PSD2: variants seen among roughly 807,000 people sequenced by gnomAD.
PSD2 encodes pleckstrin and Sec7 domain containing 2.
A neutral mutation model predicts 69.8 loss-of-function variants in PSD2; 38 were observed. The observed-to-expected ratio is 0.54, with a 90% CI of 0.42 to 0.71. The LOEUF (loss-of-function observed/expected upper bound fraction) is 0.71, where lower values mean the gene tolerates loss of function less well. Ranked by LOEUF, PSD2 falls within the 30% of genes least tolerant of loss-of-function variation. The probability of loss-of-function intolerance (pLI) is 0.00; values close to 1 mark genes in which losing one functional copy is unlikely to be tolerated. For missense variants in PSD2, 943 were observed against 1,014.5 expected (o/e 0.93, Z 0.96); for synonymous variants, 412 against 423.0 (o/e 0.97, Z 0.32).
At position 139,838,759 on chromosome 5, in the gene PSD2, C is replaced by T. The variant is rs373973556; in HGVS notation, c.1955C>T (p.Thr652Ile). ...CGGCCCCTGCTGCCCTCCTGCACCA[C>T]CCGCCTCTGCCAGGTACATGTTCCT... ...FCRPLLPSCT[T>I]RLCQEEQLRS... The change falls in exon 13 of 15, where the codon ACC becomes ATC. Residue 652 changes from threonine (T) to isoleucine (I), a missense_variant. By Grantham distance (89) the Thr-to-Ile change is moderately conservative. Transcript: ENST00000274710. The T allele has an allele frequency of 6.2e-7, 1 of 1,612,580 alleles. No individual in the cohort carries two copies.
At position 139,837,203 on chromosome 5, in the gene PSD2, G is replaced by A. The variant is rs754679031; in HGVS notation, c.1630G>A (p.Ala544Thr). 1.7e-5 allele frequency: 27 copies of A among 1,613,916 alleles called. No homozygotes were observed. Among genetic ancestry groups the A allele is most frequent in the Admixed American group, 3.3e-5 (2 of 60,006 alleles). Reference protein sequence around the residue: ...RGRRGWKKFYAVLKGTILYLQ... With the variant: ...RGRRGWKKFYTVLKGTILYLQ... ...GAGGCGTGGCTGGAAGAAATTCTAC[G>A]CAGTGCTCAAAGGGACCATCCTGTA... Residue 544 changes from alanine to threonine, a missense_variant, in exon 11 of 15, where the codon GCA (alanine) becomes ACA (threonine). Ala to Thr is a moderately conservative substitution (Grantham distance 58). Around this residue, in one of 3 missense-constraint regions of PSD2, gnomAD observed 312 missense variants for 400.7 expected, o/e 0.78. Coordinates refer to ENST00000274710, the MANE Select transcript of PSD2 (RefSeq NM_032289.4). The surrounding 1 kb of genome is among the most constrained non-coding windows in gnomAD (Gnocchi z 5.0).
At chr5:139,747,659 G>C in the PSD2 span, among the ~76,000 whole-genome samples, 5 of 152,346 alleles carry the variant, frequency 3.3e-5, no homozygotes, top group South Asian at 4.1e-4. The surrounding 1 kb of genome is among the most constrained non-coding windows in gnomAD (Gnocchi z 6.7). Flanking sequence ...CGTGGGGGCC[G>C]GCGTGAGAAT....
At position 139,842,878 on chromosome 5, in the gene PSD2, C is replaced by T. The variant is rs1469282535; in HGVS notation, c.*404C>T. The stretch of plus-strand genomic sequence containing the variant: ...TGACTCTAGGTCTCAGCTGGAACCC[C>T]ACCCTTTCTCCTCCTCCTTCCTCTG... On this transcript the variant is annotated 3_prime_UTR_variant, in exon 15 of 15. Coordinates refer to ENST00000274710, the MANE Select transcript of PSD2 (RefSeq NM_032289.4). 1 of 166,128 alleles carries T rather than the reference C, an allele frequency of 6.0e-6. No homozygotes were observed. Among genetic ancestry groups the T allele is most frequent in the African/African-American group, 2.4e-5 (1 of 41,790 alleles). The allele number at this position is 166,128 out of a possible 1,614,324, so 10.3% of individuals were successfully genotyped here.
chr5:139,837,783 G>A lies in PSD2; in HGVS notation c.1823+1G>A, dbSNP rs1561609062. 1.2e-6 allele frequency: 2 copies of A among 1,606,640 alleles called. No homozygotes were observed. Among genetic ancestry groups the A allele is most frequent in the East Asian group, 2.2e-5 (1 of 44,702 alleles). On this transcript the variant is annotated splice_donor_variant, in intron 12 of 14. Coordinates refer to ENST00000274710, the MANE Select transcript of PSD2 (RefSeq NM_032289.4). LOFTEE classifies it high-confidence loss of function. The surrounding 1 kb of genome is among the most constrained non-coding windows in gnomAD (Gnocchi z 5.0). ...GGAGGGTATTCCTCTTCCAGGCACC[G>A]TGAGTAGGAGCTGGAGCCCTTCACT...
intron 1 of PSD2, among the ~76,000 whole-genome samples, chr5:139,802,454 G>T (rs1759698698): frequency 6.6e-6 from 1 of 151,700 alleles, no homozygotes; most frequent in South Asian, 2.1e-4. Flanking sequence ...TCAGTCCATT[G>T]TAGCTCTCAG....
At chr5:139,807,551 G>A (rs902661643) in intron 1 of PSD2, among the ~76,000 whole-genome samples, 4 of 152,140 alleles carry the variant, frequency 2.6e-5, no homozygotes, top group African/African-American at 9.7e-5. Flanking sequence ...ATATTTTAGA[G>A]CCTGGCTTTT....
chr5:139,802,200 G>A (rs1340510962), intron 1 of PSD2, among the ~76,000 whole-genome samples: 1 of 151,884 alleles, frequency 6.6e-6, no homozygotes, highest in Admixed American at 6.6e-5. Context: ...TGGGGAGGAA[G>A]GCCACAGTTG....
chr5:139,811,599 CT>C (rs1349454771), intron 2 of PSD2, among the ~76,000 whole-genome samples: 1 of 151,374 alleles, frequency 6.6e-6, no homozygotes, highest in African/African-American at 2.4e-5. Flanking sequence ...CTGTCTAGCT[CT>C]TTTTTTTTAT....
chr5:139,828,826 C>T (rs898094947), intron 7 of PSD2, among the ~76,000 whole-genome samples: 19 of 152,126 alleles, frequency 1.2e-4, no homozygotes, highest in African/African-American at 3.6e-4. Context: ...ACCCTGTACC[C>T]GTCTAGCCTC....
the PSD2 span, among the ~76,000 whole-genome samples, chr5:139,766,828 C>CTTCTTTCTTTCCTTCT: frequency 4.6e-4 from 40 of 87,798 alleles, no homozygotes; most frequent in African/African-American, 1.3e-3. Flanking sequence ...AAGTCCCTTC[C>CTTCTTTCTTTCCTTCT]TTCTTTCTTT....
intron 7 of PSD2, among the ~76,000 whole-genome samples, chr5:139,824,282 C>T (rs1479824646): frequency 6.6e-6 from 1 of 152,132 alleles, no homozygotes; most frequent in Admixed American, 6.5e-5. Flanking sequence ...GGCATGGTCT[C>T]ACATTGATGC....
At chr5:139,781,978 T>G in the PSD2 span, among the ~76,000 whole-genome samples, 14 of 152,070 alleles carry the variant, frequency 9.2e-5, no homozygotes, top group Admixed American at 9.2e-4. Flanking sequence ...CAGCATTTCA[T>G]ATCATAATTG....
At chr5:139,751,723 G>A in the PSD2 span, among the ~76,000 whole-genome samples, 22 of 151,530 alleles carry the variant, frequency 1.5e-4, no homozygotes, top group Non-Finnish European at 1.8e-4. Context: ...GGGAAGGAGA[G>A]ATGACCTCCA....
At chr5:139,748,988 G>A in the PSD2 span, among the ~76,000 whole-genome samples, 1 of 152,100 alleles carries the variant, frequency 6.6e-6, no homozygotes, top group Non-Finnish European at 1.5e-5. Context: ...AGTGCAGGTG[G>A]GATGGGCCTC....
chr5:139,828,616 G>C (rs1027793318), intron 7 of PSD2, among the ~76,000 whole-genome samples: 6 of 152,174 alleles, frequency 3.9e-5, no homozygotes, highest in Non-Finnish European at 8.8e-5. Flanking sequence ...TAGGACCTTT[G>C]ATCAGCCCCT....
the PSD2 span, among the ~76,000 whole-genome samples, chr5:139,790,468 A>G: frequency 6.6e-6 from 1 of 151,832 alleles, no homozygotes; most frequent in South Asian, 2.1e-4. Context: ...GAGAAGACCG[A>G]GGACTGAGCC....
the PSD2 span, among the ~76,000 whole-genome samples, chr5:139,783,759 T>G: frequency 6.6e-6 from 1 of 152,058 alleles, no homozygotes; most frequent in African/African-American, 2.4e-5. Flanking sequence ...CAAGGGAGAT[T>G]TTCAGCTCTT....
the PSD2 span, among the ~76,000 whole-genome samples, chr5:139,774,376 C>T: frequency 2.6e-5 from 4 of 152,102 alleles, no homozygotes; most frequent in African/African-American, 7.2e-5. Context: ...GTGAGCACTG[C>T]GTATTTTTGC....
At chr5:139,775,423 A>G in the PSD2 span, 1 of 152,288 alleles carries the variant, frequency 6.6e-6, no homozygotes, top group African/African-American at 2.4e-5. Context: ...GTTTCTGCCT[A>G]CAAGTGTCTG....
Sources: gnomAD v4.1 joint callset for allele counts (sites outside exome capture counted in the v4.1 genomes callset) on GRCh38, gnomAD v4.1.1 for gene constraint, gnomAD v4.1.1 regional missense constraint, Gnocchi (gnomAD v3.1) non-coding constraint, MANE v1.5 for transcripts, NCBI Gene and HGNC (gene_info 2026-07-23, HGNC 2026-07-21) for gene names.